Variants in AGBL1 observed in about 807,000 individuals in gnomAD.
AGBL1 encodes the protein AGBL carboxypeptidase 1, also known as cytosolic carboxypeptidase 4.
A neutral mutation model predicts 118.9 loss-of-function variants in AGBL1; 130 were observed. The ratio of observed to expected loss-of-function variants is 1.09; its 90% CI spans 0.95 to 1.26. AGBL1 has a LOEUF of 1.26. Ranked by LOEUF, AGBL1 falls within the 50% of genes most tolerant of loss-of-function variation. AGBL1 has a pLI of 0.00. For missense variants in AGBL1, 1,584 were observed against 1,298.1 expected (o/e 1.22, Z -3.38); for synonymous variants, 555 against 478.9 (o/e 1.16, Z -2.08).
chr15:86,184,039 G>T (rs2077589450), intron 5 of AGBL1, among the ~76,000 whole-genome samples: 1 of 152,178 alleles, frequency 6.6e-6, no homozygotes, highest in Admixed American at 6.5e-5. Flanking sequence ...ACAAGCTGGT[G>T]TACACATTCC....
chr15:86,938,400 G>A (rs1260866690), intron 23 of AGBL1, among the ~76,000 whole-genome samples: 1 of 152,102 alleles, frequency 6.6e-6, no homozygotes, highest in Non-Finnish European at 1.5e-5. Flanking sequence ...GACCTAATTT[G>A]GTAGAGCTAC....
At chr15:86,113,645 TC>T (rs1897576123) in intron 1 of AGBL1, among the ~76,000 whole-genome samples, 1 of 152,126 alleles carries the variant, frequency 6.6e-6, no homozygotes, top group Admixed American at 6.5e-5. Flanking sequence ...GCATTACCAT[TC>T]CCCATCCTAG....
rs377200730 is a variant in AGBL1, at chr15:86,219,792, C to A, written c.489-5122C>A. On this transcript the variant is annotated intron_variant, in intron 5 of 22. Transcript: ENST00000614907. ...TCTGACCTTGCACCAGTCATCTAAC[C>A]TTTTGATCTCCACAATCCTTATTTG... Among the ~76,000 whole-genome samples the A allele has an allele frequency of 6.6e-5, 10 of 152,174 alleles. No homozygotes were observed. In the East Asian group the frequency reaches 9.7e-4, roughly 15 times the overall value.
chr15:86,913,252 A>G lies in AGBL1; in HGVS notation c.*5958A>G, dbSNP rs1036440192. On this transcript the variant is annotated 3_prime_UTR_variant, in exon 23 of 23. Coordinates refer to ENST00000614907, the MANE Select transcript of AGBL1 (RefSeq NM_001386094.1). ...ACGGCACAGGGCTTTAAGCATAACA[A>G]TGAGTGAGGGAAGGTTGATCCTCAG... The G allele has an allele frequency of 2.0e-5, 3 of 151,880 alleles. No individual in the cohort carries two copies. The highest frequency in any genetic ancestry group is 4.8e-5 in the African/African-American group (2 of 41,320). 9.4% of individuals were successfully genotyped at this position (151,880 alleles called of 1,614,324 possible). A position where few individuals can be genotyped will look rare whatever the true frequency, so the allele number is the denominator to read the frequency against.
At chr15:86,199,680 C>T (rs563722485) in intron 5 of AGBL1, among the ~76,000 whole-genome samples, 1 of 152,154 alleles carries the variant, frequency 6.6e-6, no homozygotes, top group Non-Finnish European at 1.5e-5. Context: ...CTTCTAGCTA[C>T]GTGGCTTGAA....
chr15:86,843,050 T>A (rs2079267644), intron 22 of AGBL1, among the ~76,000 whole-genome samples: 1 of 152,186 alleles, frequency 6.6e-6, no homozygotes, highest in Non-Finnish European at 1.5e-5. Context: ...AAGGTAGATT[T>A]GGGGGCCGTC....
intron 17 of AGBL1, among the ~76,000 whole-genome samples, chr15:86,301,337 G>C (rs2079741580): frequency 6.6e-6 from 1 of 151,848 alleles, no homozygotes; most frequent in Non-Finnish European, 1.5e-5. Context: ...GGACTATCTA[G>C]GTTACCTATC....
At chr15:86,585,795 A>G (rs1391802511) in intron 21 of AGBL1, among the ~76,000 whole-genome samples, 1 of 152,230 alleles carries the variant, frequency 6.6e-6, no homozygotes, top group African/African-American at 2.4e-5. Flanking sequence ...TTTAAGTTGC[A>G]CAGACTGGAG....
At chr15:86,523,093 CT>C (rs750667106) in intron 19 of AGBL1, 154 bp downstream of exon 19, 7 of 889,016 alleles carry the variant, frequency 7.9e-6, no homozygotes, top group Non-Finnish European at 1.2e-5. Flanking sequence ...ACTTCCTGGG[CT>C]GCTGTACCAA....
At chr15:86,694,427 A>C (rs1285228912) in intron 22 of AGBL1, among the ~76,000 whole-genome samples, 1 of 152,024 alleles carries the variant, frequency 6.6e-6, no homozygotes, top group Non-Finnish European at 1.5e-5. Flanking sequence ...AGAGCTACTG[A>C]TTTGTGTACA....
intron 17 of AGBL1, among the ~76,000 whole-genome samples, chr15:86,365,920 G>T (rs1374264178): frequency 6.7e-6 from 1 of 150,374 alleles, no homozygotes; most frequent in African/African-American, 2.4e-5. Context: ...GGAAGACTCT[G>T]ATTGTAGTGC....
chr15:86,847,686 C>T (rs1330190150), intron 22 of AGBL1, among the ~76,000 whole-genome samples: 2 of 152,136 alleles, frequency 1.3e-5, no homozygotes, highest in East Asian at 3.9e-4. Context: ...ACAGTCAGAC[C>T]CATCCATCTT....
intron 5 of AGBL1, among the ~76,000 whole-genome samples, chr15:86,199,113 T>A (rs993408296): frequency 2.6e-5 from 4 of 152,220 alleles, no homozygotes; most frequent in African/African-American, 4.8e-5. Flanking sequence ...GTTTACTTTT[T>A]ATTTTTTTAA....
chr15:86,145,482 T>C (rs2077020571), intron 3 of AGBL1, among the ~76,000 whole-genome samples: 2 of 152,224 alleles, frequency 1.3e-5, no homozygotes, highest in Admixed American at 6.5e-5. Flanking sequence ...CTGAGTCTTA[T>C]ATAGGTCACA....
intron 18 of AGBL1, among the ~76,000 whole-genome samples, chr15:86,495,099 G>GCTCACT (rs976355022): frequency 6.9e-6 from 1 of 143,916 alleles, no homozygotes; most frequent in Admixed American, 6.8e-5. Context: ...CGTCTGTCTC[G>GCTCACT]CTCACTCTCT....
At chr15:86,685,664 A>T (rs1331174233) in intron 22 of AGBL1, among the ~76,000 whole-genome samples, 1 of 152,130 alleles carries the variant, frequency 6.6e-6, no homozygotes, top group Non-Finnish European at 1.5e-5. Flanking sequence ...TACTATTATG[A>T]TTAATACTAT....
chr15:86,647,013 T>C (rs2085290485), intron 21 of AGBL1, among the ~76,000 whole-genome samples: 2 of 152,168 alleles, frequency 1.3e-5, no homozygotes, highest in Non-Finnish European at 2.9e-5. Flanking sequence ...TTTGTTGTCT[T>C]CTCTTATGTG....
chr15:86,664,678 T>A (rs964492665), intron 21 of AGBL1, among the ~76,000 whole-genome samples: 1 of 152,118 alleles, frequency 6.6e-6, no homozygotes, highest in African/African-American at 2.4e-5. Context: ...TGATACCAGG[T>A]AGTTCATGGG....
At chr15:86,805,523 C>T (rs750067888) in intron 22 of AGBL1, among the ~76,000 whole-genome samples, 16 of 151,956 alleles carry the variant, frequency 1.1e-4, no homozygotes, top group Admixed American at 5.2e-4. Flanking sequence ...GTGCTGTAGA[C>T]ATGTGCACAA....
Sources: gnomAD v4.1 joint callset for allele counts (sites outside exome capture counted in the v4.1 genomes callset) on GRCh38, gnomAD v4.1.1 for gene constraint, MANE v1.5 for transcripts, NCBI Gene and HGNC (gene_info 2026-07-23, HGNC 2026-07-21) for gene names.